The following NWD1 variants were observed in gnomAD, a reference collection of about 807,000 sequenced individuals.
NWD1 encodes the protein NACHT and WD repeat domain containing 1.
NWD1 carries 129 observed loss-of-function variants against 135.1 expected under a neutral mutation model. The observed-to-expected ratio is 0.96, with a 90% CI of 0.83 to 1.11. NWD1 has a LOEUF of 1.11. Ranked by LOEUF, NWD1 falls within the 50% of genes least tolerant of loss-of-function variation. NWD1 has a pLI of 0.00. For synonymous variants in NWD1, 773 were observed against 786.0 expected (o/e 0.98, Z 0.28); for missense variants, 1,740 against 1,851.3 (o/e 0.94, Z 1.10).
At chr19:16,764,995 G>A (rs1350714404) in intron 9 of NWD1, 39 bp from the exon 10 acceptor site, 3 of 1,608,552 alleles carry the variant, frequency 1.9e-6, no homozygotes, top group Admixed American at 1.7e-5. Flanking sequence ...CTGGAGGGAG[G>A]TAGGCACTTC....
intron 18 of NWD1, among the ~76,000 whole-genome samples, chr19:16,811,816 G>A (rs1970934428): frequency 1.3e-5 from 2 of 152,038 alleles, no homozygotes; most frequent in Admixed American, 1.3e-4. Flanking sequence ...AGGAGTTTGG[G>A]ACCAGCCTGG....
chr19:16,766,032 A>AAAAAAAAAAAAG (rs1969212610), intron 10 of NWD1, among the ~76,000 whole-genome samples: 1 of 144,702 alleles, frequency 6.9e-6, no homozygotes, highest in African/African-American at 2.8e-5. Context: ...AAAAAAAAAA[A>AAAAAAAAAAAAG]AAAGAAAGAA....
At position 16,750,291 on chromosome 19, in the gene NWD1, C is replaced by T; in HGVS notation, c.1649C>T (p.Thr550Ile). 4 of 1,613,710 alleles carry T rather than the reference C, an allele frequency of 2.5e-6. No homozygotes were observed. The highest frequency in any genetic ancestry group is 3.4e-6 in the Non-Finnish European group (4 of 1,179,958). ...FEEARKWASF[T>I]VPVPLATTAE... is the part of the protein sequence containing the mutation. ...GAAGCCCGGAAATGGGCCTCTTTCA[C>T]CGTGCCTGTCCCGCTGGCCACCACC... is the stretch of plus-strand genomic sequence containing the variant. Residue 550 changes from threonine to isoleucine, a missense_variant, in exon 6 of 19, where the codon ACC becomes ATC. Physicochemically the swap from Thr to Ile is moderately conservative, Grantham distance 89. Coordinates refer to ENST00000524140, the MANE Select transcript of NWD1 (RefSeq NM_001007525.5).
rs769011361 is a variant in NWD1 at position 16,749,260 on chromosome 19, G to A, written c.618G>A (p.Arg206=). ...ACATCCTTGAAGACTGCGCCCTTAGGATGGTGGACCGGCTCGCGGATGGCT... is the reference window on the plus strand; with the variant it reads ...ACATCCTTGAAGACTGCGCCCTTAGAATGGTGGACCGGCTCGCGGATGGCT... The part of the protein sequence containing the change: ...HKHILEDCAL[R]MVDRLADGCL... The change falls in exon 6 of 19, where the codon AGG becomes AGA. Residue 206 remains arginine (R), a synonymous_variant. Coordinates refer to ENST00000524140, the MANE Select transcript of NWD1 (RefSeq NM_001007525.5). 6.2e-7 allele frequency: 1 copy of A among 1,614,150 alleles called. No homozygotes were observed. Among genetic ancestry groups the A allele is most frequent in the Admixed American group, 1.7e-5 (1 of 60,004 alleles).
intron 17 of NWD1, among the ~76,000 whole-genome samples, chr19:16,804,535 C>T (rs1445369726): frequency 2.0e-5 from 3 of 151,250 alleles, no homozygotes; most frequent in South Asian, 2.1e-4. Context: ...TTCAAGGCTG[C>T]AGTGAGCTAT....
intron 3 of NWD1, among the ~76,000 whole-genome samples, chr19:16,731,536 A>G (rs1967567057): frequency 6.7e-6 from 1 of 148,782 alleles, no homozygotes; most frequent in African/African-American, 2.5e-5. Context: ...TGATCTCTTG[A>G]CCTTGTGATC....
intron 5 of NWD1, among the ~76,000 whole-genome samples, chr19:16,747,512 G>A (rs561280168): frequency 6.6e-6 from 1 of 151,710 alleles, no homozygotes; most frequent in South Asian, 2.1e-4. Context: ...CAGTAGCTGG[G>A]ACCGCAGTCA....
Position 16,807,588 on chromosome 19 carries a change from G to A in NWD1, c.3739G>A (p.Glu1247Lys), listed in dbSNP as rs781315143. ...TTCTCATTTTTCTTCCCTGGCAGGC[G>A]AGGAACAAGATTCCCTGGACACCTC... ...KVTIWDLAEGEEQDSLDTSSE... is the reference protein window; with the variant it reads ...KVTIWDLAEGKEQDSLDTSSE... Residue 1247 changes from glutamate to lysine, a missense_variant and splice_region_variant, in exon 18 of 19, where the codon GAG (glutamate) becomes AAG (lysine). Coordinates refer to ENST00000524140, the MANE Select transcript of NWD1 (RefSeq NM_001007525.5). The A allele has an allele frequency of 2.2e-5, 33 of 1,519,156 alleles. No homozygotes were observed. The highest frequency in any genetic ancestry group is 6.7e-5 in the Admixed American group (3 of 44,742). 94.1% of individuals were successfully genotyped at this position (1,519,156 alleles called of 1,614,324 possible). A position where few individuals can be genotyped will look rare whatever the true frequency, so the allele number is the denominator to read the frequency against.
intron 17 of NWD1, among the ~76,000 whole-genome samples, chr19:16,802,950 A>C (rs76140937): frequency 6.7e-6 from 1 of 150,360 alleles, no homozygotes; most frequent in Non-Finnish European, 1.5e-5. Context: ...TCTGTCTCAA[A>C]AAAAAAAAAA....
Position 16,730,040 on chromosome 19 carries a change from T to C in NWD1, c.-6-1152T>C, listed in dbSNP as rs141011766. 4.3e-3 allele frequency among the ~76,000 whole-genome samples: 648 copies of C among 152,232 alleles called. 3 individuals carry two copies. Among genetic ancestry groups the C allele is most frequent in the African/African-American group, 0.015 (620 of 41,554 alleles). On this transcript the variant is annotated intron_variant, in intron 2 of 18. Coordinates refer to ENST00000524140, the MANE Select transcript of NWD1 (RefSeq NM_001007525.5). ...TGCAAGTACTTTTTAAAACTATTTA[T>C]GGGCCGGGCGCAGTGGCTCACGCCT...
Position 16,792,433 on chromosome 19 carries a change from T to C in NWD1, c.3213+811T>C, listed in dbSNP as rs570424539. Among the ~76,000 whole-genome samples the C allele has an allele frequency of 5.9e-5, 9 of 151,980 alleles. No homozygotes were observed. The South Asian group carries it at 1.9e-3, about 32-fold the overall frequency. On this transcript the variant is annotated intron_variant, in intron 14 of 18. Transcript: ENST00000524140. The stretch of plus-strand genomic sequence containing the variant: ...GGCTCACACCTGTAATGCCAGCACT[T>C]TGGGAGGCCGGGGCAGGTGGATCAC...
At chr19:16,739,784 C>G (rs572516950) in intron 4 of NWD1, among the ~76,000 whole-genome samples, 2 of 152,302 alleles carry the variant, frequency 1.3e-5, no homozygotes, top group Non-Finnish European at 2.9e-5. Context: ...AGGCTCCTGT[C>G]TCTTGGGCTA....
In NWD1 at chr19:16,738,216, C is replaced by T. The variant is rs146651353; in HGVS notation, c.198+1466C>T. The T allele has an allele frequency of 3.0e-4, 137 of 454,684 alleles. 4 individuals are homozygous for T. In the East Asian group the frequency reaches 7.2e-3, roughly 24 times the overall value. 28.2% of individuals were successfully genotyped at this position (454,684 alleles called of 1,614,324 possible). A position where few individuals can be genotyped will look rare whatever the true frequency, so the allele number is the denominator to read the frequency against. ...AAAGCCAAAAGTATTGACTGTCTGA[C>T]TTTTTCCAGGAGAAATGTGCTGATC... On this transcript the variant is annotated intron_variant, in intron 4 of 18. Transcript: ENST00000524140.
chr19:16,771,341 T>C (rs1046234937), intron 10 of NWD1, among the ~76,000 whole-genome samples: 4 of 152,118 alleles, frequency 2.6e-5, no homozygotes, highest in African/African-American at 9.7e-5. Context: ...TCCCAGCTTC[T>C]TGGGAGGCTG....
chr19:16,750,032 C>G lies in NWD1; in HGVS notation c.1390C>G (p.Leu464Val). 6.2e-7 allele frequency: 1 copy of G among 1,613,870 alleles called. No individual in the cohort carries two copies. Among genetic ancestry groups the G allele is most frequent in the Non-Finnish European group, 8.5e-7 (1 of 1,179,948 alleles). ...TCTCAACTGCCCCCCGAGGGTGCAC[C>G]TCATCCTCTCAGCTTGCTCGGGGGC... is the stretch of plus-strand genomic sequence containing the variant. ...LPLNCPPRVH[L>V]ILSACSGALG... The change falls in exon 6 of 19, where the codon CTC becomes GTC. Residue 464 changes from leucine (L) to valine (V), a missense_variant. Transcript: ENST00000524140.
intron 3 of NWD1, among the ~76,000 whole-genome samples, chr19:16,735,273 G>C (rs898791376): frequency 1.3e-5 from 2 of 152,134 alleles, no homozygotes; most frequent in Non-Finnish European, 2.9e-5. Context: ...GGAGGCTGAG[G>C]CAGACAGTTC....
rs1344392012 is a variant in NWD1, at chr19:16,737,963, T to TTGAAA, written c.198+1213_198+1214insTGAAA. ...CTGGGCGACAGAGCAAGACTCTATCTCGAAAAGAAAAGAAAAGAAAAGAAA... is the reference window on the plus strand; with the variant it reads ...CTGGGCGACAGAGCAAGACTCTATCTTGAAACGAAAAGAAAAGAAAAGAAAAGAAA... On this transcript the variant is annotated intron_variant, in intron 4 of 18. Coordinates refer to ENST00000524140, the MANE Select transcript of NWD1 (RefSeq NM_001007525.5). 8.9e-5 allele frequency among the ~76,000 whole-genome samples: 5 copies of TTGAAA among 55,974 alleles called. No individual in the cohort carries two copies. The South Asian group carries it at 1.3e-3, about 15-fold the overall frequency. 36.7% of individuals were successfully genotyped at this position (55,974 alleles called of 152,430 possible). A position where few individuals can be genotyped will look rare whatever the true frequency, so the allele number is the denominator to read the frequency against.
In NWD1 at chr19:16,749,909, A is replaced by G; in HGVS notation, c.1267A>G (p.Thr423Ala). The G allele has an allele frequency of 2.5e-6, 4 of 1,613,218 alleles. No homozygotes were observed. The highest frequency in any genetic ancestry group is 4.5e-5 in the East Asian group (2 of 44,846). Residue 423 changes from threonine to alanine, a missense_variant, in exon 6 of 19, where the codon ACT becomes GCT. Thr to Ala is a moderately conservative substitution (Grantham distance 58, BLOSUM62 0). Transcript: ENST00000524140. Reference protein sequence around the residue: ...VVQFFHTLLHTVSCRNFESLV... With the variant: ...VVQFFHTLLHAVSCRNFESLV... Reference sequence around the variant, plus strand: ...CCAGTTTTTCCATACCCTCCTCCACACTGTCTCTTGCAGAAACTTCGAGTC... The same window carrying G: ...CCAGTTTTTCCATACCCTCCTCCACGCTGTCTCTTGCAGAAACTTCGAGTC...
Position 16,762,195 on chromosome 19 carries a change from C to G in NWD1, c.2133+57C>G, listed in dbSNP as rs140075881. The G allele has an allele frequency of 3.7e-5, 57 of 1,524,228 alleles. No homozygotes were observed. In the East Asian group the frequency reaches 1.3e-3, roughly 35 times the overall value. The allele number at this position is 1,524,228 out of a possible 1,614,324, so 94.4% of individuals were successfully genotyped here. A position where few individuals can be genotyped will look rare whatever the true frequency, so the allele number is the denominator to read the frequency against. On this transcript the variant is annotated intron_variant, in intron 8 of 18. Coordinates refer to ENST00000524140, the MANE Select transcript of NWD1 (RefSeq NM_001007525.5). The stretch of plus-strand genomic sequence containing the variant: ...GCAACCTCCACCCTGCCTGGCATTG[C>G]TCACCTCCTTCCTTCCCCTTTTTGC...
Sources: allele counts gnomAD v4.1 joint callset (sites outside exome capture counted in the v4.1 genomes callset), GRCh38; gene constraint gnomAD v4.1.1; transcripts MANE v1.5; gene names NCBI Gene and HGNC (gene_info 2026-07-23, HGNC 2026-07-21).